The following SSR4 variants were observed in gnomAD, a reference collection of about 807,000 sequenced individuals.
The protein encoded by SSR4 is signal sequence receptor subunit 4.
For synonymous variants in SSR4, 84 were observed against 65.6 expected, an observed-to-expected ratio of 1.28 and a Z score of -1.35; for missense variants, 125 against 148.8, an observed-to-expected ratio of 0.84 and a Z score of 0.83.
At position 153,796,101 on chromosome X, in the gene SSR4, G is replaced by C. The variant is rs6643794; in HGVS notation, c.68-333G>C. On this transcript the variant is annotated intron_variant, in intron 1 of 5. Coordinates refer to ENST00000370086, the MANE Select transcript of SSR4 (RefSeq NM_006280.3). ...TTTGTGGCTCTGAATTGAGGCTGGC[G>C]TGGCCCCCGGGCCTCCGTGTCATAG... 89,208 of 208,645 alleles carry C rather than the reference G, an allele frequency of 0.43. 15,267 individuals carry two copies. The highest frequency in any genetic ancestry group is 0.81 in the East Asian group (8,011 of 9,921). The allele number at this position is 208,645 out of a possible 1,213,427, so 17.2% of individuals were successfully genotyped here. A position where few individuals can be genotyped will look rare whatever the true frequency, so the allele number is the denominator to read the frequency against.
At chrX:153,797,974 C>A (rs2092152251) in intron 4 of SSR4, 97 bp from the exon 5 acceptor site, 1 of 974,768 alleles carries the variant, frequency 1.0e-6, no homozygotes, top group Non-Finnish European at 1.5e-6. Flanking sequence ...TTTTCTGGGG[C>A]TTGGGCCGGT....
chrX:153,798,011 C>CAA, intron 4 of SSR4, 60 bp from the exon 5 acceptor site: 10 of 642,999 alleles, frequency 1.6e-5, no homozygotes, highest in Non-Finnish European at 2.3e-5. Context: ...CCCCTCCCCT[C>CAA]CCCACCCCCA....
chrX:153,794,219 C>T (rs782810715), upstream of SSR4: 29 of 1,163,685 alleles, frequency 2.5e-5, no homozygotes, highest in Admixed American at 4.8e-5. Flanking sequence ...ACCGCTGCCG[C>T]GGTCCCGTGG....
In SSR4 at chrX:153,798,391, C is replaced by G. The variant is rs1054261; in HGVS notation, c.480C>G (p.Ile160Met). The change falls in exon 6 of 6, where the codon ATC (isoleucine) becomes ATG (methionine). Residue 160 changes from isoleucine (I) to methionine (M), a missense_variant. Coordinates refer to ENST00000370086, the MANE Select transcript of SSR4 (RefSeq NM_006280.3). Reference protein sequence around the residue: ...EVLAAAIGLVIYYLAFSAKSH... With the variant: ...EVLAAAIGLVMYYLAFSAKSH... ...TGGCTGCGGCGATCGGCCTTGTGAT[C>G]TACTACTTGGCCTTCAGTGCGAAGA... 1.7e-6 allele frequency: 2 copies of G among 1,202,877 alleles called. No individual in the cohort carries two copies. The highest frequency in any genetic ancestry group is 4.4e-5 in the Admixed American group (2 of 45,083).
At position 153,798,406 on chromosome X, in the gene SSR4, C is replaced by G; in HGVS notation, c.495C>G (p.Phe165Leu). The G allele has an allele frequency of 1.7e-6, 2 of 1,196,222 alleles. No individual in the cohort carries two copies. The highest frequency in any genetic ancestry group is 2.3e-6 in the Non-Finnish European group (2 of 887,593). ...GCCTTGTGATCTACTACTTGGCCTT[C>G]AGTGCGAAGAGCCACATCCAGGCCT... is the stretch of plus-strand genomic sequence containing the variant. ...AIGLVIYYLA[F>L]SAKSHIQA Residue 165 changes from phenylalanine (F) to leucine (L), a missense_variant, in exon 6 of 6, where the codon TTC becomes TTG. Phe to Leu is a conservative substitution (Grantham distance 22). Coordinates refer to ENST00000370086, the MANE Select transcript of SSR4 (RefSeq NM_006280.3).
intron 1 of SSR4, chrX:153,795,817 C>T (rs1603257585): frequency 1.3e-6 from 1 of 755,223 alleles, no homozygotes; most frequent in Non-Finnish European, 1.6e-6. Context: ...AGGCGGCAGC[C>T]TTCCTTTCCT....
rs782712982 is a variant in SSR4 at position 153,798,435 on chromosome X, G to A, written c.*2G>A. 5.4e-5 allele frequency: 63 copies of A among 1,176,947 alleles called. No homozygotes were observed. The highest frequency in any genetic ancestry group is 6.4e-5 in the Non-Finnish European group (56 of 877,741). Reference sequence around the variant, plus strand: ...GCGAAGAGCCACATCCAGGCCTGAGGGCGGCACCCCAGCCCTGCCCTTGCT... The same window carrying A: ...GCGAAGAGCCACATCCAGGCCTGAGAGCGGCACCCCAGCCCTGCCCTTGCT... On this transcript the variant is annotated 3_prime_UTR_variant, in exon 6 of 6. Transcript: ENST00000370086.
chrX:153,796,325 G>T, intron 1 of SSR4, 109 bp from the exon 2 acceptor site: 3 of 537,915 alleles, frequency 5.6e-6, no homozygotes, highest in South Asian at 5.5e-5. Context: ...CAGGAAGAGC[G>T]CATGGGTCCC....
rs1029354847 is a variant in SSR4, at chrX:153,794,765, A to G, written c.67+11A>G. ...TCTCCCGCTGCTCAGGTAGCGGCCC[A>G]GCCGGGGCTTCTTTCTTGCGAGCCT... On this transcript the variant is annotated intron_variant, in intron 1 of 5. Transcript: ENST00000370086. The G allele has an allele frequency of 1.7e-6, 2 of 1,207,122 alleles. No homozygotes were observed. The highest frequency in any genetic ancestry group is 3.5e-5 in the African/African-American group (2 of 57,586).
chrX:153,794,266 G>A (rs1557071325), upstream of SSR4: 1 of 1,199,884 alleles, frequency 8.3e-7, no homozygotes. Flanking sequence ...CGGCAGAGAA[G>A]GGCTGGCCCG....
chrX:153,795,886 T>C (rs950698148), intron 1 of SSR4: 2 of 737,295 alleles, frequency 2.7e-6, no homozygotes, highest in Non-Finnish European at 3.2e-6. Context: ...AGCTAACAAG[T>C]TGTGCTTCTG....
chrX:153,794,408 A>T (rs1263339797), upstream of SSR4: 1 of 1,138,027 alleles, frequency 8.8e-7, no homozygotes, highest in Non-Finnish European at 1.2e-6. Context: ...AGTTTCGGGG[A>T]CAGGCGCGGA....
At chrX:153,796,188 TC>T (rs2148449700) in intron 1 of SSR4, 1 of 394,891 alleles carries the variant, frequency 2.5e-6, no homozygotes, top group Non-Finnish European at 4.4e-6. Context: ...AGTTCGCTCT[TC>T]CTGCACACCT....
intron 1 of SSR4, 145 bp downstream of exon 1, chrX:153,794,899 C>CG: frequency 2.9e-6 from 2 of 690,941 alleles, no homozygotes; most frequent in Non-Finnish European, 4.2e-6. Context: ...GGCCTTGGGA[C>CG]GGGGGGACCA....
chrX:153,797,401 C>T (rs2092148152), intron 2 of SSR4, 57 bp from the exon 3 acceptor site: 1 of 1,083,700 alleles, frequency 9.2e-7, no homozygotes, highest in African/African-American at 1.8e-5. Context: ...GCACAGGGCT[C>T]CTCTGCCCAC....
At chrX:153,794,300 G>T, upstream of SSR4, 1 of 1,198,608 alleles carries the variant, frequency 8.3e-7, no homozygotes. Context: ...CGGCGCTGCC[G>T]GCGACGGTCG....
upstream of SSR4, chrX:153,794,226 G>T: frequency 8.5e-7 from 1 of 1,174,200 alleles, no homozygotes; most frequent in Non-Finnish European, 1.1e-6. Context: ...CCGCGGTCCC[G>T]TGGCTCTTTC....
intron 5 of SSR4, 83 bp from the exon 6 acceptor site, chrX:153,798,246 T>C: frequency 2.5e-6 from 3 of 1,178,061 alleles, no homozygotes; most frequent in Non-Finnish European, 2.3e-6. Flanking sequence ...CATGTCTTGG[T>C]TCCCCTGGCG....
chrX:153,794,952 T>A (rs1240030272), intron 1 of SSR4, 198 bp downstream of exon 1: 1 of 480,650 alleles, frequency 2.1e-6, no homozygotes, highest in East Asian at 3.8e-5. Context: ...CTTTTCCTTG[T>A]CTGCCCATAC....
Sources: gnomAD v4.1 joint callset for allele counts on GRCh38, gnomAD v4.1.1 for gene constraint, MANE v1.5 for transcripts, NCBI Gene and HGNC (gene_info 2026-07-23, HGNC 2026-07-21) for gene names.